Variants in EDF1 observed in about 807,000 individuals in gnomAD.
The protein encoded by EDF1 is endothelial differentiation related factor 1, also known as endothelial differentiation-related factor 1.
In EDF1, 5 loss-of-function variants were observed where a neutral mutation model predicts 20.8. That is an observed-to-expected ratio of 0.24 (90% CI 0.13 to 0.51). EDF1 has a LOEUF of 0.51. EDF1 is among the 20% of genes least tolerant of loss of function. The pLI is 0.97. For missense variants in EDF1, 137 were observed against 197.8 expected, an observed-to-expected ratio of 0.69 and a Z score of 1.84; for synonymous variants, 96 against 78.5, an observed-to-expected ratio of 1.22 and a Z score of -1.18.
intron 1 of EDF1, 37 bp downstream of exon 1, chr9:136,866,144 C>T: frequency 6.4e-7 from 1 of 1,573,322 alleles, no homozygotes; most frequent in South Asian, 1.2e-5. Flanking sequence ...CAGCGTCCGC[C>T]CCGCCCGGCC....
Position 136,863,128 on chromosome 9 carries a change from G to GCAGCTGGGT in EDF1, c.292-130_292-129insACCCAGCTG. 1 of 1,515,860 alleles carries GCAGCTGGGT rather than the reference G, an allele frequency of 6.6e-7. No homozygotes were observed. Among genetic ancestry groups the GCAGCTGGGT allele is most frequent in the Non-Finnish European group, 9.0e-7 (1 of 1,110,218 alleles). The allele number at this position is 1,515,860 out of a possible 1,614,324, so 93.9% of individuals were successfully genotyped here. A position where few individuals can be genotyped will look rare whatever the true frequency, so the allele number is the denominator to read the frequency against. On this transcript the variant is annotated intron_variant, in intron 3 of 4. Transcript: ENST00000224073. The surrounding 1 kb of genome is among the most constrained non-coding windows in gnomAD (Gnocchi z 4.5). ...ACGCACCCACACGCAGCTGGGTTTT[G>GCAGCTGGGT]TGCGAGAGGCAGTGAGAGCCGGGCT...
At chr9:136,865,159 G>A (rs2131250226) in intron 1 of EDF1, among the ~76,000 whole-genome samples, 1 of 152,282 alleles carries the variant, frequency 6.6e-6, no homozygotes, top group East Asian at 1.9e-4. Flanking sequence ...AAAGGCTTCA[G>A]CCCTAGGCCA....
rs1849159250 is a variant in EDF1 at position 136,863,778 on chromosome 9, A to G, written c.130+42T>C. 1.9e-6 allele frequency: 3 copies of G among 1,612,478 alleles called. No homozygotes were observed. Among genetic ancestry groups the G allele is most frequent in the African/African-American group, 2.7e-5 (2 of 75,008 alleles). ...CCACACCCACCAGCACATGGACCCCACAGCACAGCCTCATGTTGCAAGCGG... is the reference window on the plus strand; with the variant it reads ...CCACACCCACCAGCACATGGACCCCGCAGCACAGCCTCATGTTGCAAGCGG... On this transcript the variant is annotated intron_variant, in intron 2 of 4. Coordinates refer to ENST00000224073, the MANE Select transcript of EDF1 (RefSeq NM_003792.4). This position sits in a 1 kb window ranked among gnomAD's most constrained non-coding sequence, Gnocchi z 4.5.
intron 1 of EDF1, among the ~76,000 whole-genome samples, chr9:136,864,393 G>A (rs572960871): frequency 9.1e-4 from 138 of 151,248 alleles, no homozygotes; most frequent in African/African-American, 3.2e-3. Context: ...ATGCGTTAGT[G>A]GATTCTTTTT....
rs1039358514 is a variant in EDF1 at position 136,862,624 on chromosome 9, G to A, written c.386-279C>T. 4.0e-6 allele frequency: 6 copies of A among 1,515,964 alleles called. No individual in the cohort carries two copies. Among genetic ancestry groups the A allele is most frequent in the South Asian group, 3.7e-5 (3 of 81,014 alleles). 93.9% of individuals were successfully genotyped at this position (1,515,964 alleles called of 1,614,324 possible). ...CCCCATGCTGACAGGGCCCGGACCC[G>A]CTGTGCTCAGGCTCAGAGAACCATC... On this transcript the variant is annotated intron_variant, in intron 4 of 4. Coordinates refer to ENST00000224073, the MANE Select transcript of EDF1 (RefSeq NM_003792.4). This position sits in a 1 kb window ranked among gnomAD's most constrained non-coding sequence, Gnocchi z 4.1.
rs1447960332 is a variant in EDF1, at chr9:136,863,219, A to G, written c.291+69T>C. On this transcript the variant is annotated intron_variant, in intron 3 of 4. Coordinates refer to ENST00000224073, the MANE Select transcript of EDF1 (RefSeq NM_003792.4). This position sits in a 1 kb window ranked among gnomAD's most constrained non-coding sequence, Gnocchi z 4.5. ...GGGTGGAGCCCACCCTCCCCGTGCT[A>G]TCTGAACACCGGCCATCCCCCTCCC... 4 of 1,573,318 alleles carry G rather than the reference A, an allele frequency of 2.5e-6. No homozygotes were observed. Among genetic ancestry groups the G allele is most frequent in the Non-Finnish European group, 3.4e-6 (4 of 1,161,790 alleles).
Position 136,863,795 on chromosome 9 carries a change from T to G in EDF1, c.130+25A>C, listed in dbSNP as rs1404918031. On this transcript the variant is annotated intron_variant, in intron 2 of 4. Coordinates refer to ENST00000224073, the MANE Select transcript of EDF1 (RefSeq NM_003792.4). The surrounding 1 kb of genome is among the most constrained non-coding windows in gnomAD (Gnocchi z 4.5). ...TGGACCCCACAGCACAGCCTCATGT[T>G]GCAAGCGGAAACACAAGTACCTACA... The G allele has an allele frequency of 6.2e-7, 1 of 1,613,832 alleles. No individual in the cohort carries two copies. The highest frequency in any genetic ancestry group is 8.5e-7 in the Non-Finnish European group (1 of 1,179,938).
rs1392367972 is a variant in EDF1 at position 136,863,288 on chromosome 9, C to T, written c.291G>A (p.Thr97=). ...AGTGAGAGCCCCGGCGCAGCCTCAC[C>T]GTGGCCAGGTCCTTCTGCGTAAGCC... ...SKGLTQKDLA[T]KINEKPQVIA... Residue 97 remains threonine, a splice_region_variant and synonymous_variant, in exon 3 of 5, where the codon ACG becomes ACA. Coordinates refer to ENST00000224073, the MANE Select transcript of EDF1 (RefSeq NM_003792.4). The surrounding 1 kb of genome is among the most constrained non-coding windows in gnomAD (Gnocchi z 4.5). 1 of 1,611,916 alleles carries T rather than the reference C, an allele frequency of 6.2e-7. No homozygotes were observed. Among genetic ancestry groups the T allele is most frequent in the Non-Finnish European group, 8.5e-7 (1 of 1,179,456 alleles).
intron 1 of EDF1, 89 bp downstream of exon 1, chr9:136,866,092 C>A: frequency 7.3e-7 from 1 of 1,362,446 alleles, no homozygotes; most frequent in Non-Finnish European, 9.9e-7. Flanking sequence ...GCCCCGCCTG[C>A]CCTTCCCCGA....
At chr9:136,866,107 C>T in intron 1 of EDF1, 74 bp downstream of exon 1, 1 of 1,478,244 alleles carries the variant, frequency 6.8e-7, no homozygotes, top group South Asian at 1.2e-5. Flanking sequence ...CCCCGAGCCC[C>T]CTGCCCCACG....
chr9:136,865,912 T>C (rs182693815), intron 1 of EDF1, among the ~76,000 whole-genome samples: 1,692 of 145,260 alleles, frequency 0.012, 53 homozygotes, highest in Admixed American at 0.074. Flanking sequence ...CCTCCTCCAG[T>C]CGCCCGCCCC....
At chr9:136,864,768 C>T (rs1849181214) in intron 1 of EDF1, among the ~76,000 whole-genome samples, 1 of 152,118 alleles carries the variant, frequency 6.6e-6, no homozygotes, top group Non-Finnish European at 1.5e-5. Flanking sequence ...GGATTACAGG[C>T]TCCTGCCACC....
Position 136,862,374 on chromosome 9 carries a change from G to A in EDF1, c.386-29C>T, listed in dbSNP as rs372486730. The A allele has an allele frequency of 3.0e-4, 477 of 1,614,006 alleles. No homozygotes were observed. Among genetic ancestry groups the A allele is most frequent in the Non-Finnish European group, 2.7e-4 (316 of 1,180,020 alleles). On this transcript the variant is annotated intron_variant, in intron 4 of 4. Coordinates refer to ENST00000224073, the MANE Select transcript of EDF1 (RefSeq NM_003792.4). This position sits in a 1 kb window ranked among gnomAD's most constrained non-coding sequence, Gnocchi z 4.1. ...AAATGAGCCACAGCCACTGGCCACT[G>A]CAGCACCAGCTCCCTCCTCCCCCCA... is the stretch of plus-strand genomic sequence containing the variant.
chr9:136,866,091 G>A, intron 1 of EDF1, 90 bp downstream of exon 1: 4 of 1,335,420 alleles, frequency 3.0e-6, no homozygotes, highest in Non-Finnish European at 4.0e-6. Context: ...GGCCCCGCCT[G>A]CCCTTCCCCG....
At chr9:136,865,600 T>A (rs1348075309) in intron 1 of EDF1, among the ~76,000 whole-genome samples, 1 of 143,522 alleles carries the variant, frequency 7.0e-6, no homozygotes, top group African/African-American at 2.6e-5. Context: ...TCATCGCTGG[T>A]TCCTGCTGCT....
chr9:136,865,731 A>C (rs1849207018), intron 1 of EDF1, among the ~76,000 whole-genome samples: 3 of 140,850 alleles, frequency 2.1e-5, no homozygotes, highest in Non-Finnish European at 3.1e-5. Flanking sequence ...TCTGTCCCCT[A>C]TCCTCACACA....
At chr9:136,866,064 C>T in intron 1 of EDF1, 117 bp downstream of exon 1, 1 of 1,046,954 alleles carries the variant, frequency 9.6e-7, no homozygotes, top group Non-Finnish European at 1.3e-6. Flanking sequence ...TGTCCCCGTC[C>T]CCTGCGCCCT....
chr9:136,865,207 T>C (rs991899678), intron 1 of EDF1, among the ~76,000 whole-genome samples: 13 of 152,220 alleles, frequency 8.5e-5, no homozygotes, highest in Non-Finnish European at 1.5e-4. Flanking sequence ...GTGACTAAAC[T>C]GTCCTCCCTA....
chr9:136,864,686 C>T (rs926400241), intron 1 of EDF1, among the ~76,000 whole-genome samples: 2 of 152,040 alleles, frequency 1.3e-5, no homozygotes, highest in Non-Finnish European at 2.9e-5. Flanking sequence ...TGCAGTGACA[C>T]GATCTCGGCT....
Sources: allele counts gnomAD v4.1 joint callset (sites outside exome capture counted in the v4.1 genomes callset), GRCh38; gene constraint gnomAD v4.1.1; non-coding constraint Gnocchi (gnomAD v3.1); transcripts MANE v1.5; gene names NCBI Gene and HGNC (gene_info 2026-07-23, HGNC 2026-07-21).